Variants in PTPRT observed in about 807,000 individuals in gnomAD.
PTPRT encodes the protein receptor-type tyrosine-protein phosphatase T.
In PTPRT, 56 loss-of-function variants were observed where a neutral mutation model predicts 176.8. The ratio of observed to expected loss-of-function variants is 0.32; its 90% CI spans 0.26 to 0.40. The LOEUF is 0.40. Among genes scored for constraint, PTPRT ranks in the 10% least tolerant of loss-of-function variants. The probability of loss-of-function intolerance (pLI) is 1.00; values close to 1 mark genes in which losing one functional copy is unlikely to be tolerated. For missense variants in PTPRT, 1,540 were observed against 1,908.2 expected (o/e 0.81, Z 3.60); for synonymous variants, 783 against 739.0 (o/e 1.06, Z -0.96).
intron 9 of PTPRT, among the ~76,000 whole-genome samples, chr20:42,442,674 G>A (rs913650520): frequency 6.6e-5 from 10 of 152,318 alleles, no homozygotes; most frequent in African/African-American, 1.7e-4. Flanking sequence ...CCAGTTGCAA[G>A]TGTAACATCT....
intron 9 of PTPRT, among the ~76,000 whole-genome samples, chr20:42,410,486 A>G (rs2059004117): frequency 6.6e-6 from 1 of 152,204 alleles, no homozygotes; most frequent in Admixed American, 6.5e-5. Context: ...ACTATATTTG[A>G]AAACTTTCCT....
At chr20:42,280,899 T>C (rs2057128171) in intron 13 of PTPRT, among the ~76,000 whole-genome samples, 1 of 152,120 alleles carries the variant, frequency 6.6e-6, no homozygotes, top group African/African-American at 2.4e-5. Flanking sequence ...CCCAGCCAGC[T>C]ACCCTCTAAT....
intron 1 of PTPRT, among the ~76,000 whole-genome samples, chr20:43,170,009 T>C (rs967420411): frequency 1.3e-5 from 2 of 152,092 alleles, no homozygotes; most frequent in Non-Finnish European, 2.9e-5. Context: ...ATTTACACAA[T>C]GTCTGGTATA....
chr20:43,036,086 ACTCCTT>A (rs564206281), intron 1 of PTPRT, among the ~76,000 whole-genome samples: 66 of 151,624 alleles, frequency 4.4e-4, no homozygotes, highest in African/African-American at 1.5e-3. Flanking sequence ...TGGAGAAAAA[ACTCCTT>A]CTTGAATGCT....
chr20:42,345,752 T>C (rs894426028), intron 11 of PTPRT, among the ~76,000 whole-genome samples: 1 of 151,280 alleles, frequency 6.6e-6, no homozygotes, highest in Non-Finnish European at 1.5e-5. Context: ...AAAATATATA[T>C]ATATGAACAG....
At chr20:42,256,225 C>A (rs1230961649) in intron 13 of PTPRT, among the ~76,000 whole-genome samples, 3 of 152,112 alleles carry the variant, frequency 2.0e-5, no homozygotes, top group Non-Finnish European at 4.4e-5. Context: ...CACCATAAAC[C>A]TTCTTGATTT....
At chr20:43,112,655 GT>G (rs1477693371) in intron 1 of PTPRT, among the ~76,000 whole-genome samples, 1 of 152,208 alleles carries the variant, frequency 6.6e-6, no homozygotes, top group Non-Finnish European at 1.5e-5. Flanking sequence ...AGTTCCTCTG[GT>G]TTGAATGAAT....
At chr20:42,977,733 G>A (rs1195198511) in intron 1 of PTPRT, among the ~76,000 whole-genome samples, 2 of 152,184 alleles carry the variant, frequency 1.3e-5, no homozygotes, top group Non-Finnish European at 2.9e-5. Context: ...TACATCTGCA[G>A]ATAATTATAT....
At chr20:42,037,290 C>A in the PTPRT span, among the ~76,000 whole-genome samples, 9 of 152,314 alleles carry the variant, frequency 5.9e-5, no homozygotes, top group East Asian at 1.7e-3. Flanking sequence ...CTGCTGACAG[C>A]CCATCCTGTG....
intron 11 of PTPRT, among the ~76,000 whole-genome samples, chr20:42,337,252 T>C (rs544925893): frequency 6.6e-6 from 1 of 152,274 alleles, no homozygotes; most frequent in South Asian, 2.1e-4. Flanking sequence ...CAACTTACAA[T>C]GTGTCAGAAA....
intron 1 of PTPRT, among the ~76,000 whole-genome samples, chr20:42,936,570 CTCTTG>C: frequency 6.6e-6 from 1 of 152,148 alleles, no homozygotes; most frequent in Admixed American, 6.5e-5. Flanking sequence ...AACAAGTCTC[CTCTTG>C]ACTATGGGGT....
chr20:42,622,631 C>T (rs560470521), intron 7 of PTPRT, among the ~76,000 whole-genome samples: 1 of 152,232 alleles, frequency 6.6e-6, no homozygotes, highest in Admixed American at 6.5e-5. Flanking sequence ...GGTGGAATTA[C>T]AATTGCTAGT....
At chr20:42,402,368 T>C (rs2058916971) in intron 9 of PTPRT, among the ~76,000 whole-genome samples, 1 of 151,786 alleles carries the variant, frequency 6.6e-6, no homozygotes, top group African/African-American at 2.4e-5. Context: ...TTCAGATAAT[T>C]GGGCCCAAGA....
At chr20:42,448,431 G>A (rs1298956834) in intron 8 of PTPRT, 102 bp from the exon 9 acceptor site, 24 of 846,174 alleles carry the variant, frequency 2.8e-5, no homozygotes, top group Non-Finnish European at 4.8e-5. Flanking sequence ...TAAAGAACCA[G>A]ATAGTAAATA....
Position 42,184,517 on chromosome 20 carries a change from T to C in PTPRT, c.2491+14723A>G, listed in dbSNP as rs554599992. ...CCTCCCCCCTTCCTCCTCCTCCTCC[T>C]CCTTCTTCTTCTTCTTCCTCTTCCT... is the stretch of plus-strand genomic sequence containing the variant. On this transcript the variant is annotated intron_variant, in intron 16 of 30. Coordinates refer to ENST00000373187, the MANE Select transcript of PTPRT (RefSeq NM_007050.6). 6.3e-3 allele frequency among the ~76,000 whole-genome samples: 664 copies of C among 106,126 alleles called. 19 individuals carry two copies. Among genetic ancestry groups the C allele is most frequent in the African/African-American group, 0.022 (618 of 27,692 alleles). 69.6% of individuals were successfully genotyped at this position (106,126 alleles called of 152,430 possible).
chr20:42,817,136 T>C (rs143921676), intron 2 of PTPRT, among the ~76,000 whole-genome samples: 2 of 152,264 alleles, frequency 1.3e-5, no homozygotes, highest in African/African-American at 4.8e-5. Flanking sequence ...AAAAGGGCAA[T>C]TCCTCATTTT....
intron 6 of PTPRT, among the ~76,000 whole-genome samples, chr20:42,740,935 C>T (rs113478560): frequency 1.3e-3 from 196 of 152,196 alleles, no homozygotes; most frequent in African/African-American, 4.2e-3. Context: ...CTTCCAGTAC[C>T]CTAAATCCTC....
chr20:43,085,646 C>T (rs899711570), intron 1 of PTPRT, among the ~76,000 whole-genome samples: 4 of 152,110 alleles, frequency 2.6e-5, no homozygotes, highest in Non-Finnish European at 5.9e-5. Context: ...TGCAGGGGAA[C>T]TCCCCTTTTA....
chr20:43,181,083 C>T (rs2015246705), intron 1 of PTPRT, among the ~76,000 whole-genome samples: 1 of 152,164 alleles, frequency 6.6e-6, no homozygotes, highest in Non-Finnish European at 1.5e-5. Flanking sequence ...GCCTGTGTGG[C>T]AAGGAACTGA....
Sources: allele counts gnomAD v4.1 joint callset (sites outside exome capture counted in the v4.1 genomes callset), GRCh38; gene constraint gnomAD v4.1.1; transcripts MANE v1.5; gene names NCBI Gene and HGNC (gene_info 2026-07-23, HGNC 2026-07-21).